The following SHISA9 variants were observed in gnomAD, a reference collection of about 807,000 sequenced individuals.
SHISA9 encodes protein shisa-9.
In SHISA9, 13 loss-of-function variants were observed where a neutral mutation model predicts 38.0. That is an observed-to-expected ratio of 0.34 (90% CI 0.22 to 0.54). SHISA9 has a LOEUF of 0.54. Among genes scored for constraint, SHISA9 ranks in the 20% least tolerant of loss-of-function variants. The pLI is 0.91. For missense variants in SHISA9, 538 were observed against 575.8 expected, an observed-to-expected ratio of 0.93 and a Z score of 0.67; for synonymous variants, 275 against 242.0, an observed-to-expected ratio of 1.14 and a Z score of -1.27.
At position 13,239,717 on chromosome 16, in the gene SHISA9, G is replaced by A. The variant is rs904982980; in HGVS notation, c.*4308G>A. The A allele has an allele frequency of 2.0e-5, 3 of 152,006 alleles. No individual in the cohort carries two copies. The highest frequency in any genetic ancestry group is 7.3e-5 in the African/African-American group (3 of 41,368). 9.4% of individuals were successfully genotyped at this position (152,006 alleles called of 1,614,324 possible). ...TCTTGTAAATTTGTTTGAGTTCATT[G>A]TAGATTCTGGATATTAGCCCTTTGT... On this transcript the variant is annotated 3_prime_UTR_variant, in exon 5 of 5. Coordinates refer to ENST00000558583, the MANE Select transcript of SHISA9 (RefSeq NM_001145204.3).
At chr16:13,420,092 A>G in the SHISA9 span, among the ~76,000 whole-genome samples, 1 of 151,932 alleles carries the variant, frequency 6.6e-6, no homozygotes, top group Non-Finnish European at 1.5e-5. Context: ...CTAAAAATAC[A>G]GAAATTAGCC....
the SHISA9 span, among the ~76,000 whole-genome samples, chr16:13,537,527 C>T: frequency 6.6e-6 from 1 of 151,824 alleles, no homozygotes; most frequent in African/African-American, 2.4e-5. Context: ...TATGATGTAA[C>T]TACTTATTGT....
chr16:13,187,342 T>C (rs374117755), intron 2 of SHISA9, among the ~76,000 whole-genome samples: 20,709 of 142,606 alleles, frequency 0.15, 1,778 homozygotes, highest in Middle Eastern at 0.23. Flanking sequence ...TTTTTTTTTT[T>C]TTTTTTTTTT....
intron 3 of SHISA9, among the ~76,000 whole-genome samples, chr16:13,209,452 A>G (rs376744792): frequency 3.3e-5 from 5 of 152,116 alleles, no homozygotes; most frequent in African/African-American, 1.2e-4. Flanking sequence ...ATCAGTCTAG[A>G]CCTCTTCAAG....
intron 2 of SHISA9, among the ~76,000 whole-genome samples, chr16:13,157,243 C>T (rs1168259490): frequency 6.6e-6 from 1 of 152,124 alleles, no homozygotes; most frequent in Non-Finnish European, 1.5e-5. Flanking sequence ...TTGAATCAAC[C>T]CTTTCAGAGC....
At chr16:13,480,621 C>G in the SHISA9 span, among the ~76,000 whole-genome samples, 2 of 152,282 alleles carry the variant, frequency 1.3e-5, no homozygotes, top group South Asian at 4.1e-4. Context: ...CCATTTTTCA[C>G]CTGTGCTTTT....
the SHISA9 span, among the ~76,000 whole-genome samples, chr16:13,509,987 T>C: frequency 6.6e-6 from 1 of 152,116 alleles, no homozygotes; most frequent in South Asian, 2.1e-4. Context: ...GCTGAGATTA[T>C]GCCAGATCTT....
intron 2 of SHISA9, among the ~76,000 whole-genome samples, chr16:13,182,943 T>G (rs2050790527): frequency 6.6e-6 from 1 of 152,234 alleles, no homozygotes; most frequent in Admixed American, 6.5e-5. Flanking sequence ...CACCCTGAAG[T>G]TGCTTCTCTT....
At chr16:13,092,702 G>T (rs1225043724) in intron 2 of SHISA9, among the ~76,000 whole-genome samples, 1 of 152,244 alleles carries the variant, frequency 6.6e-6, no homozygotes, top group Non-Finnish European at 1.5e-5. Context: ...GGCAGGGAGT[G>T]TCCCGTTTTT....
the SHISA9 span, among the ~76,000 whole-genome samples, chr16:13,530,909 A>G: frequency 1.3e-5 from 2 of 152,214 alleles, no homozygotes; most frequent in Non-Finnish European, 2.9e-5. Flanking sequence ...ACTTCTGGGA[A>G]AAGTTTTCTC....
intron 2 of SHISA9, among the ~76,000 whole-genome samples, chr16:13,182,134 G>T (rs117117654): frequency 6.6e-6 from 1 of 152,170 alleles, no homozygotes; most frequent in Non-Finnish European, 1.5e-5. Context: ...TCTAACAATA[G>T]GTTTCACCTA....
At chr16:13,102,702 C>T (rs1596649623) in intron 2 of SHISA9, among the ~76,000 whole-genome samples, 3 of 152,290 alleles carry the variant, frequency 2.0e-5, no homozygotes, top group Middle Eastern at 6.8e-3. Flanking sequence ...GTTTCTCTGC[C>T]GCTATAATGC....
chr16:13,142,479 G>C (rs533249640), intron 2 of SHISA9, among the ~76,000 whole-genome samples: 11 of 152,270 alleles, frequency 7.2e-5, no homozygotes, highest in Admixed American at 2.6e-4. Flanking sequence ...TCTGTGGCCA[G>C]CTGCAGTGGG....
At chr16:13,147,035 T>A (rs780418451) in intron 2 of SHISA9, among the ~76,000 whole-genome samples, 1 of 152,184 alleles carries the variant, frequency 6.6e-6, no homozygotes, top group Non-Finnish European at 1.5e-5. Flanking sequence ...AATGAATGAA[T>A]GAGTGAGTAT....
At chr16:13,363,081 C>T in the SHISA9 span, among the ~76,000 whole-genome samples, 1 of 152,224 alleles carries the variant, frequency 6.6e-6, no homozygotes, top group Non-Finnish European at 1.5e-5. Flanking sequence ...GATCTACTCT[C>T]TGTAGGCACT....
At chr16:13,354,592 G>A in the SHISA9 span, among the ~76,000 whole-genome samples, 8 of 149,974 alleles carry the variant, frequency 5.3e-5, no homozygotes, top group East Asian at 1.5e-3. Flanking sequence ...ACTGTAGAGA[G>A]TGAGTTGAGC....
intron 2 of SHISA9, among the ~76,000 whole-genome samples, chr16:13,169,668 T>G (rs889431428): frequency 6.6e-6 from 1 of 152,228 alleles, no homozygotes; most frequent in African/African-American, 2.4e-5. Context: ...TTTGGATTTC[T>G]TAAACAATTA....
the SHISA9 span, among the ~76,000 whole-genome samples, chr16:13,307,969 C>T: frequency 6.6e-6 from 1 of 152,196 alleles, no homozygotes; most frequent in African/African-American, 2.4e-5. Context: ...TCACAAATCT[C>T]ACCGCATATA....
chr16:13,055,959 G>A (rs1404855054), intron 2 of SHISA9, among the ~76,000 whole-genome samples: 2 of 152,196 alleles, frequency 1.3e-5, no homozygotes, highest in African/African-American at 2.4e-5. Context: ...ACAGACTGTT[G>A]CTGATGTCAC....
Sources: allele counts gnomAD v4.1 joint callset (sites outside exome capture counted in the v4.1 genomes callset), GRCh38; gene constraint gnomAD v4.1.1; transcripts MANE v1.5; gene names NCBI Gene and HGNC (gene_info 2026-07-23, HGNC 2026-07-21).